Variants in GALNT17 observed in about 807,000 individuals in gnomAD.
GALNT17 encodes the protein polypeptide N-acetylgalactosaminyltransferase 17.
Under a neutral mutation model 63.7 loss-of-function variants are expected in GALNT17, and 29 were observed. The ratio of observed to expected loss-of-function variants is 0.46; its 90% confidence interval spans 0.34 to 0.62. The LOEUF is 0.62. GALNT17 is among the 20% of genes least tolerant of loss of function. The pLI is 0.01. For missense variants in GALNT17, 603 were observed against 799.6 expected (o/e 0.75, Z 2.97); for synonymous variants, 305 against 318.3 (o/e 0.96, Z 0.45).
intron 6 of GALNT17, among the ~76,000 whole-genome samples, chr7:71,660,152 A>C (rs1308055303): frequency 6.6e-6 from 1 of 152,174 alleles, no homozygotes; most frequent in African/African-American, 2.4e-5. Context: ...TTTTTTGATG[A>C]ATAAATAAAT....
intron 1 of GALNT17, among the ~76,000 whole-genome samples, chr7:71,177,384 C>T (rs1358664993): frequency 7.2e-5 from 11 of 152,172 alleles, no homozygotes; most frequent in Non-Finnish European, 1.6e-4. Context: ...CATGTCTGGA[C>T]TCTGATTTAG....
At position 71,399,247 on chromosome 7, in the gene GALNT17, C is replaced by CA. The variant is rs35218263; in HGVS notation, c.589+10854dup. On this transcript the variant is annotated intron_variant, in intron 3 of 10. Transcript: ENST00000333538. Reference sequence around the variant, plus strand: ...AGATTCCATCCCCCCTGCCCTCCTCCAAAAAAAATGTGGGAGTAGGAATTT... The same window carrying CA: ...AGATTCCATCCCCCCTGCCCTCCTCCAAAAAAAAATGTGGGAGTAGGAATTT... Among the ~76,000 whole-genome samples the CA allele has an allele frequency of 1.2e-3, 182 of 151,788 alleles. 1 individual carries two copies. The highest frequency in any genetic ancestry group is 4.2e-3 in the African/African-American group (175 of 41,424).
chr7:71,670,447 G>C (rs1300864484), intron 8 of GALNT17, among the ~76,000 whole-genome samples: 1 of 152,146 alleles, frequency 6.6e-6, no homozygotes, highest in Non-Finnish European at 1.5e-5. Flanking sequence ...AGAGGCAGGA[G>C]GGTTGGAGTC....
At chr7:71,462,042 A>G (rs1787459437) in intron 5 of GALNT17, among the ~76,000 whole-genome samples, 1 of 152,164 alleles carries the variant, frequency 6.6e-6, no homozygotes, top group Admixed American at 6.5e-5. Context: ...GGGAAGGCAG[A>G]GCAGACCTGC....
intron 5 of GALNT17, among the ~76,000 whole-genome samples, chr7:71,501,548 G>A (rs1788180535): frequency 6.6e-6 from 1 of 152,188 alleles, no homozygotes. Flanking sequence ...GATGAGAGGT[G>A]TGCACCATCA....
intron 1 of GALNT17, among the ~76,000 whole-genome samples, chr7:71,218,209 C>T (rs900105257): frequency 6.6e-5 from 10 of 152,144 alleles, no homozygotes; most frequent in African/African-American, 2.4e-4. Context: ...GCCTGGCCAA[C>T]ATGGTGAAAC....
intron 5 of GALNT17, among the ~76,000 whole-genome samples, chr7:71,458,575 G>T (rs73365669): frequency 6.6e-6 from 1 of 152,084 alleles, no homozygotes; most frequent in East Asian, 1.9e-4. Flanking sequence ...TTGGTGCCTG[G>T]GTTCTTGCCT....
chr7:71,682,994 T>A (rs942623147), intron 9 of GALNT17, among the ~76,000 whole-genome samples: 1 of 152,128 alleles, frequency 6.6e-6, no homozygotes, highest in East Asian at 1.9e-4. Context: ...CAGCACAGTG[T>A]GGCCCCTTTG....
At chr7:71,138,097 TG>T (rs1416135543) in intron 1 of GALNT17, among the ~76,000 whole-genome samples, 1 of 150,160 alleles carries the variant, frequency 6.7e-6, no homozygotes, top group Non-Finnish European at 1.5e-5. Flanking sequence ...CTGTAATCCC[TG>T]TACTATGGGA....
At chr7:71,398,460 C>T (rs1793179903) in intron 3 of GALNT17, among the ~76,000 whole-genome samples, 1 of 151,966 alleles carries the variant, frequency 6.6e-6, no homozygotes, top group Admixed American at 6.6e-5. Flanking sequence ...AACATATTGT[C>T]CTTTTTTATT....
chr7:71,341,719 A>G (rs138687269), intron 2 of GALNT17, among the ~76,000 whole-genome samples: 1 of 152,326 alleles, frequency 6.6e-6, no homozygotes, highest in East Asian at 1.9e-4. Context: ...TGCAAAGTAA[A>G]CCCATCGCAA....
At chr7:71,650,040 C>G (rs1790733218) in intron 6 of GALNT17, among the ~76,000 whole-genome samples, 1 of 152,218 alleles carries the variant, frequency 6.6e-6, no homozygotes, top group Non-Finnish European at 1.5e-5. Flanking sequence ...CAGAGCCATG[C>G]TGGCTGAGCA....
At chr7:71,690,020 T>C (rs904852649) in intron 9 of GALNT17, among the ~76,000 whole-genome samples, 1 of 18,758 alleles carries the variant, frequency 5.3e-5, no homozygotes. Context: ...ACTGAATATC[T>C]TTTTTTTTTT....
chr7:71,354,804 C>T (rs1792252772), intron 2 of GALNT17, among the ~76,000 whole-genome samples: 1 of 152,118 alleles, frequency 6.6e-6, no homozygotes, highest in Non-Finnish European at 1.5e-5. Flanking sequence ...TAGAAGTCAC[C>T]TGTGAAACCA....
intron 1 of GALNT17, among the ~76,000 whole-genome samples, chr7:71,273,746 AAGCATTCTTTTGATCAGCCATG>A (rs1157815079): frequency 1.3e-5 from 2 of 152,190 alleles, no homozygotes; most frequent in Non-Finnish European, 2.9e-5. Context: ...GACTTTGGCT[AAGCATTCTTTTGATCAGCCATG>A]AAAAGTTTGA....
At chr7:71,282,356 G>C (rs547041463) in intron 1 of GALNT17, among the ~76,000 whole-genome samples, 1 of 152,146 alleles carries the variant, frequency 6.6e-6, no homozygotes, top group Non-Finnish European at 1.5e-5. Flanking sequence ...AGAAGTAATC[G>C]AATTTACACA....
chr7:71,672,315 A>C (rs1368655262), intron 8 of GALNT17, among the ~76,000 whole-genome samples: 1 of 152,308 alleles, frequency 6.6e-6, no homozygotes, highest in East Asian at 1.9e-4. Flanking sequence ...CATTACATGA[A>C]AGAAATAATA....
intron 1 of GALNT17, among the ~76,000 whole-genome samples, chr7:71,199,564 A>G (rs1585876159): frequency 7.6e-6 from 1 of 132,028 alleles, no homozygotes; most frequent in Admixed American, 7.3e-5. Context: ...CCATCCATCC[A>G]TCCTGCCTAC....
intron 5 of GALNT17, among the ~76,000 whole-genome samples, chr7:71,488,117 A>G (rs1787942725): frequency 6.7e-6 from 1 of 148,832 alleles, no homozygotes; most frequent in African/African-American, 2.5e-5. Context: ...GCAGTGAGCT[A>G]TGATTTTGTC....
Sources: allele counts gnomAD v4.1 joint callset (sites outside exome capture counted in the v4.1 genomes callset), GRCh38; gene constraint gnomAD v4.1.1; transcripts MANE v1.5; gene names NCBI Gene and HGNC (gene_info 2026-07-23, HGNC 2026-07-21).